Variants in FNIP2 observed in about 807,000 individuals in gnomAD.
The protein encoded by FNIP2 is folliculin-interacting protein 2.
FNIP2 carries 32 observed loss-of-function variants against 108.7 expected under a neutral mutation model. The observed-to-expected ratio is 0.29, with a 90% confidence interval of 0.22 to 0.40. The LOEUF (loss-of-function observed/expected upper bound fraction) is 0.40, where lower values mean the gene tolerates loss of function less well. Among genes scored for constraint, FNIP2 ranks in the 10% least tolerant of loss-of-function variants. The probability of loss-of-function intolerance (pLI) is 1.00; values close to 1 mark genes in which losing one functional copy is unlikely to be tolerated. For synonymous variants in FNIP2, 480 were observed against 496.7 expected (o/e 0.97, Z 0.45); for missense variants, 1,202 against 1,381.6 (o/e 0.87, Z 2.06).
At chr4:158,884,978 TAAA>T (rs34333695) in intron 14 of FNIP2, among the ~76,000 whole-genome samples, 24 of 120,126 alleles carry the variant, frequency 2.0e-4, no homozygotes, top group Admixed American at 1.7e-4. Context: ...CTACCTCTGC[TAAA>T]AAAAAAAAAA....
At chr4:158,863,372 T>A (rs1780400599) in intron 12 of FNIP2, among the ~76,000 whole-genome samples, 1 of 152,218 alleles carries the variant, frequency 6.6e-6, no homozygotes, top group Non-Finnish European at 1.5e-5. Flanking sequence ...GAGATAAAAT[T>A]TCAATCCAGG....
chr4:158,872,223 T>G, intron 14 of FNIP2: 2 of 985,442 alleles, frequency 2.0e-6, no homozygotes, highest in Non-Finnish European at 2.4e-6. Flanking sequence ...AAATGCAATC[T>G]ATTGATTGAT....
intron 8 of FNIP2, among the ~76,000 whole-genome samples, chr4:158,854,609 A>G (rs920663373): frequency 2.0e-5 from 3 of 152,244 alleles, no homozygotes; most frequent in Non-Finnish European, 4.4e-5. Flanking sequence ...TAACAATTTT[A>G]TTTAGTCAAA....
intron 14 of FNIP2, chr4:158,890,245 A>G (rs1560835522): frequency 3.0e-6 from 3 of 985,098 alleles, no homozygotes; most frequent in East Asian, 2.3e-4. Flanking sequence ...AAATCCTGAT[A>G]ATAGGGTTTA....
intron 14 of FNIP2, among the ~76,000 whole-genome samples, chr4:158,888,992 C>A (rs762515302): frequency 6.6e-6 from 1 of 152,030 alleles, no homozygotes. Flanking sequence ...GAGTTTGAGA[C>A]CAGCCTGGGC....
At chr4:158,817,808 GTGC>G (rs1256644341) in intron 1 of FNIP2, among the ~76,000 whole-genome samples, 4 of 152,144 alleles carry the variant, frequency 2.6e-5, no homozygotes, top group African/African-American at 9.7e-5. Context: ...GCCTCCCAAA[GTGC>G]TAGGATTACA....
At chr4:158,835,601 A>ATC in intron 7 of FNIP2, 125 bp downstream of exon 7, 2 of 751,430 alleles carry the variant, frequency 2.7e-6, no homozygotes, top group Non-Finnish European at 4.5e-6. Context: ...TTCCTAAGAT[A>ATC]GTCTGACATA....
chr4:158,836,267 C>T (rs548501347), intron 7 of FNIP2: 1 of 152,198 alleles, frequency 6.6e-6, no homozygotes, highest in Non-Finnish European at 1.5e-5. Flanking sequence ...TCACTCATTT[C>T]TCTGTCCACA....
At chr4:158,867,622 C>T (rs1780657801) in intron 12 of FNIP2, among the ~76,000 whole-genome samples, 1 of 152,182 alleles carries the variant, frequency 6.6e-6, no homozygotes, top group East Asian at 1.9e-4. Context: ...TGTAGACCAC[C>T]TCATTAAGTA....
intron 1 of FNIP2, among the ~76,000 whole-genome samples, chr4:158,791,750 C>T (rs1776426447): frequency 6.6e-6 from 1 of 152,188 alleles, no homozygotes; most frequent in Non-Finnish European, 1.5e-5. Flanking sequence ...CAGTAATGCC[C>T]TCTGTGTTTC....
intron 16 of FNIP2, among the ~76,000 whole-genome samples, chr4:158,901,455 CATT>C (rs1209922844): frequency 1.3e-5 from 2 of 152,000 alleles, no homozygotes; most frequent in Non-Finnish European, 2.9e-5. Context: ...TGAATCTGAC[CATT>C]ATGTGTCTTG....
chr4:158,871,597 AGG>A, intron 14 of FNIP2: 4 of 985,392 alleles, frequency 4.1e-6, no homozygotes, highest in Non-Finnish European at 3.6e-6. Context: ...AGATGAGGAT[AGG>A]GCCATCAGAA....
intron 8 of FNIP2, among the ~76,000 whole-genome samples, chr4:158,858,741 G>C (rs1238607696): frequency 6.6e-6 from 1 of 152,156 alleles, no homozygotes; most frequent in Non-Finnish European, 1.5e-5. Flanking sequence ...TGGATAAACA[G>C]ATATTTCACA....
chr4:158,868,612 A>C lies in FNIP2; in HGVS notation c.1976A>C (p.Gln659Pro), dbSNP rs748841707. The change falls in exon 13 of 17, where the codon CAA (glutamine) becomes CCA (proline). Residue 659 changes from glutamine (Q) to proline (P), a missense_variant. Gln to Pro is a moderately conservative substitution (Grantham distance 76, BLOSUM62 -1). Around this residue, in one of 5 missense-constraint regions of FNIP2, gnomAD observed 878 missense variants for 990.3 expected, o/e 0.89. Transcript: ENST00000264433. The surrounding 1 kb of genome is among the most constrained non-coding windows in gnomAD (Gnocchi z 4.6). The stretch of plus-strand genomic sequence containing the variant: ...GATGAGAAAAATAAAGAGGCACCGC[A>C]AGATGGCTCTTCAAGACTTCCCAGC... ...CGDEKNKEAPQDGSSRLPSCE... is the reference protein window; with the variant it reads ...CGDEKNKEAPPDGSSRLPSCE... 5.0e-6 allele frequency: 8 copies of C among 1,613,956 alleles called. No homozygotes were observed. The Admixed American group carries it at 1.3e-4, about 27-fold the overall frequency.
chr4:158,865,635 T>G (rs1780535046), intron 12 of FNIP2, among the ~76,000 whole-genome samples: 1 of 152,238 alleles, frequency 6.6e-6, no homozygotes, highest in Non-Finnish European at 1.5e-5. Flanking sequence ...AAGTAATGCT[T>G]CTTCTTTATT....
rs763771055 is a variant in FNIP2 at position 158,861,823 on chromosome 4, G to GA, written c.1465+54dup. The GA allele has an allele frequency of 2.1e-5, 34 of 1,589,422 alleles. No homozygotes were observed. The Admixed American group carries it at 3.5e-4, about 16-fold the overall frequency. On this transcript the variant is annotated intron_variant, in intron 12 of 16. Coordinates refer to ENST00000264433, the MANE Select transcript of FNIP2 (RefSeq NM_020840.3). The stretch of plus-strand genomic sequence containing the variant: ...TCAGAGAATATATGGGATGGAATAG[G>GA]AAAAAAATGCTAGAATTTGTAGTTT...
chr4:158,829,372 G>A (rs1037215277), intron 3 of FNIP2, 147 bp downstream of exon 3: 58 of 671,172 alleles, frequency 8.6e-5, no homozygotes, highest in Admixed American at 8.0e-5. Context: ...GTTTCACATC[G>A]ATGTTGTTTT....
At chr4:158,847,196 G>A (rs1779453920) in intron 7 of FNIP2, among the ~76,000 whole-genome samples, 2 of 152,194 alleles carry the variant, frequency 1.3e-5, no homozygotes, top group African/African-American at 2.4e-5. Context: ...CAACTCCTGG[G>A]CCAGTTCTGA....
intron 16 of FNIP2, among the ~76,000 whole-genome samples, chr4:158,898,945 T>G (rs1252823659): frequency 1.3e-5 from 2 of 152,282 alleles, no homozygotes; most frequent in Non-Finnish European, 2.9e-5. Flanking sequence ...ATTCTTCCAG[T>G]TTTTGCCCAT....
Sources: gnomAD v4.1 joint callset for allele counts (sites outside exome capture counted in the v4.1 genomes callset) on GRCh38, gnomAD v4.1.1 for gene constraint, gnomAD v4.1.1 regional missense constraint, Gnocchi (gnomAD v3.1) non-coding constraint, MANE v1.5 for transcripts, NCBI Gene and HGNC (gene_info 2026-07-23, HGNC 2026-07-21) for gene names.